MORC4: variants seen among roughly 807,000 people sequenced by gnomAD.
MORC4 encodes MORC family CW-type zinc finger protein 4.
In MORC4, 22 loss-of-function variants were observed where a neutral mutation model predicts 65.5. The ratio of observed to expected loss-of-function variants is 0.34; its 90% CI spans 0.24 to 0.48. The LOEUF is 0.48. Ranked by LOEUF, MORC4 falls within the 20% of genes least tolerant of loss-of-function variation. The probability of loss-of-function intolerance (pLI) is 0.99; values close to 1 mark genes in which losing one functional copy is unlikely to be tolerated. For synonymous variants in MORC4, 267 were observed against 255.8 expected, an observed-to-expected ratio of 1.04 and a Z score of -0.42; for missense variants, 624 against 703.0, an observed-to-expected ratio of 0.89 and a Z score of 1.27.
intron 3 of MORC4, among the ~76,000 whole-genome samples, chrX:106,987,618 C>T (rs1339274938): frequency 1.8e-5 from 2 of 111,597 alleles, no homozygotes; most frequent in Admixed American, 9.5e-5. Flanking sequence ...CATGACTGAG[C>T]AGGCTGATCT....
intron 9 of MORC4, among the ~76,000 whole-genome samples, chrX:106,965,519 T>C (rs1249128612): frequency 8.9e-6 from 1 of 111,821 alleles, no homozygotes; most frequent in East Asian, 2.8e-4. Flanking sequence ...ATGGATTAAA[T>C]CCAGATTCAC....
chrX:106,978,547 T>C (rs1019539876), intron 7 of MORC4, among the ~76,000 whole-genome samples: 1 of 110,422 alleles, frequency 9.1e-6, no homozygotes, highest in African/African-American at 3.3e-5. Flanking sequence ...TGCATCTCTT[T>C]TAAAATTATG....
intron 6 of MORC4, among the ~76,000 whole-genome samples, 158 bp downstream of exon 6, chrX:106,981,187 T>C (rs1934733503): frequency 8.9e-6 from 1 of 111,733 alleles, no homozygotes; most frequent in Non-Finnish European, 1.9e-5. Context: ...CTGCTGACTA[T>C]ATTATCTAAA....
At chrX:106,983,537 TA>T (rs1424742960) in intron 5 of MORC4, among the ~76,000 whole-genome samples, 1 of 111,955 alleles carries the variant, frequency 8.9e-6, no homozygotes, top group Non-Finnish European at 1.9e-5. Flanking sequence ...TTTTTAGGGT[TA>T]TTTTTTAGTG....
chrX:106,992,630 A>G (rs1268983672), intron 3 of MORC4, among the ~76,000 whole-genome samples: 1 of 112,705 alleles, frequency 8.9e-6, no homozygotes, highest in Non-Finnish European at 1.9e-5. Context: ...TTCTACTGCA[A>G]AACCTTTAAA....
chrX:106,942,769 T>C lies in MORC4; in HGVS notation c.2122A>G (p.Ile708Val). The C allele has an allele frequency of 2.5e-6, 3 of 1,211,558 alleles. No homozygotes were observed. Among genetic ancestry groups the C allele is most frequent in the Non-Finnish European group, 3.4e-6 (3 of 895,332 alleles). The change falls in exon 15 of 17, where the codon ATT becomes GTT. Residue 708 changes from isoleucine (I) to valine (V), a missense_variant. Physicochemically the swap from Ile to Val is conservative, Grantham distance 29 (BLOSUM62 3). Transcript: ENST00000355610. ...TCTCTGTTAAAAGGGATCAGCTGAA[T>C]GGGAGCTCCTGAATCTCTAACACCT... ...AKGVRDSGAP[I>V]QLIPFNREEL...
intron 9 of MORC4, among the ~76,000 whole-genome samples, chrX:106,970,364 A>G (rs1270998504): frequency 8.9e-6 from 1 of 112,311 alleles, no homozygotes; most frequent in African/African-American, 3.2e-5. Flanking sequence ...ACCCACAGCC[A>G]ATATCATACC....
chrX:106,961,681 T>C (rs1411238893), intron 10 of MORC4, among the ~76,000 whole-genome samples: 2 of 111,638 alleles, frequency 1.8e-5, no homozygotes, highest in Non-Finnish European at 3.8e-5. Context: ...GGCACTCTGA[T>C]AGGACAGAAA....
At chrX:106,999,570 AG>A in intron 2 of MORC4, 106 bp downstream of exon 2, 2 of 434,945 alleles carry the variant, frequency 4.6e-6, no homozygotes, top group South Asian at 3.7e-5. Flanking sequence ...CCCCCACCCC[AG>A]CCCCGGCCCG....
chrX:106,956,511 T>C lies in MORC4; in HGVS notation c.1478A>G (p.Lys493Arg), dbSNP rs1219301419. Residue 493 changes from lysine (K) to arginine (R), a missense_variant, in exon 13 of 17, where the codon AAG becomes AGG. Coordinates refer to ENST00000355610, the MANE Select transcript of MORC4 (RefSeq NM_024657.5). ...KKQEQTVEEK[K>R]KMPMENENHQ... Reference sequence around the variant, plus strand: ...GTTCTCATTTTCCATAGGCATCTTCTTCTTCTCCTCAACAGTTTGTTCTCT... The same window carrying C: ...GTTCTCATTTTCCATAGGCATCTTCCTCTTCTCCTCAACAGTTTGTTCTCT... 1.1e-5 allele frequency: 13 copies of C among 1,206,545 alleles called. No homozygotes were observed. Among genetic ancestry groups the C allele is most frequent in the Non-Finnish European group, 1.5e-5 (13 of 891,698 alleles).
intron 3 of MORC4, among the ~76,000 whole-genome samples, chrX:106,988,323 C>T (rs764661118): frequency 3.6e-5 from 4 of 111,985 alleles, no homozygotes; most frequent in South Asian, 3.7e-4. Context: ...CTTCCACCAT[C>T]TATCACCTCT....
At chrX:106,987,116 CTTATAG>C (rs1216462650) in intron 3 of MORC4, among the ~76,000 whole-genome samples, 2 of 111,567 alleles carry the variant, frequency 1.8e-5, no homozygotes, top group Non-Finnish European at 3.8e-5. Context: ...TGAGTACAAA[CTTATAG>C]TTAGATAGAA....
chrX:106,944,722 C>T (rs763669405), intron 14 of MORC4, among the ~76,000 whole-genome samples: 4 of 111,752 alleles, frequency 3.6e-5, no homozygotes, highest in South Asian at 3.8e-4. Context: ...ACCAACCTTT[C>T]ATTTTCACCT....
At chrX:106,982,558 T>C (rs972126475) in intron 5 of MORC4, among the ~76,000 whole-genome samples, 22 of 111,691 alleles carry the variant, frequency 2.0e-4, no homozygotes, top group Non-Finnish European at 3.6e-4. Flanking sequence ...AGATTCTCTA[T>C]CCTCCTTGTC....
chrX:106,955,947 C>T (rs1412834910), intron 13 of MORC4, among the ~76,000 whole-genome samples: 2 of 111,258 alleles, frequency 1.8e-5, no homozygotes, highest in African/African-American at 6.5e-5. Flanking sequence ...CCTGAAAGGA[C>T]GGCCAACCTT....
intron 9 of MORC4, among the ~76,000 whole-genome samples, chrX:106,970,781 A>G (rs1384497993): frequency 1.8e-5 from 2 of 111,233 alleles, no homozygotes; most frequent in Non-Finnish European, 3.8e-5. Context: ...GGACCTCTTC[A>G]AGAACTACAA....
Position 106,999,698 on chromosome X carries a change from T to G in MORC4, c.154A>C (p.Ser52Arg). 8.9e-7 allele frequency: 1 copy of G among 1,129,186 alleles called. No homozygotes were observed. Among genetic ancestry groups the G allele is most frequent in the Non-Finnish European group, 1.2e-6 (1 of 856,941 alleles). The allele number at this position is 1,129,186 out of a possible 1,213,427, so 93.1% of individuals were successfully genotyped here. A position where few individuals can be genotyped will look rare whatever the true frequency, so the allele number is the denominator to read the frequency against. Residue 52 changes from serine to arginine, a missense_variant, in exon 2 of 17, where the codon AGT (serine) becomes CGT (arginine). Coordinates refer to ENST00000355610, the MANE Select transcript of MORC4 (RefSeq NM_024657.5). ...SNSSSHTRPF[S>R]AIAELLDNAV... ...TCACCTAGCAGCTCCGCGATGGCAC[T>G]GAAGGGTCGCGTGTGGCTGCTGGAG...
intron 9 of MORC4, among the ~76,000 whole-genome samples, chrX:106,965,782 T>C (rs1276744193): frequency 8.9e-6 from 1 of 111,978 alleles, no homozygotes; most frequent in African/African-American, 3.2e-5. Context: ...AAAACACAAA[T>C]TACCTTAGAG....
intron 11 of MORC4, 50 bp from the exon 12 acceptor site, chrX:106,957,054 C>T: frequency 1.2e-6 from 1 of 808,583 alleles, no homozygotes; most frequent in Non-Finnish European, 1.8e-6. Context: ...GGGTCCTTCA[C>T]TTTTACCTTT....
Sources: gnomAD v4.1 joint callset for allele counts (sites outside exome capture counted in the v4.1 genomes callset) on GRCh38, gnomAD v4.1.1 for gene constraint, MANE v1.5 for transcripts, NCBI Gene and HGNC (gene_info 2026-07-23, HGNC 2026-07-21) for gene names.